Variants in SOCS7 observed in about 807,000 individuals in gnomAD.
SOCS7 encodes the protein NAP-4.
In SOCS7, 18 loss-of-function variants were observed where a neutral mutation model predicts 58.9. That is an observed-to-expected ratio of 0.31 (90% CI 0.21 to 0.45). SOCS7 has a LOEUF of 0.45. Among genes scored for constraint, SOCS7 ranks in the 20% least tolerant of loss-of-function variants. SOCS7 has a pLI of 1.00. For missense variants in SOCS7, 667 were observed against 837.3 expected (o/e 0.80, Z 2.51); for synonymous variants, 388 against 364.3 (o/e 1.06, Z -0.74).
chr17:38,352,301 G>A lies in SOCS7; in HGVS notation c.249G>A (p.Pro83=), dbSNP rs1422601471. 6.7e-7 allele frequency: 1 copy of A among 1,487,156 alleles called. No individual in the cohort carries two copies. Among genetic ancestry groups the A allele is most frequent in the Non-Finnish European group, 8.9e-7 (1 of 1,128,928 alleles). 92.1% of individuals were successfully genotyped at this position (1,487,156 alleles called of 1,614,324 possible). The change falls in exon 1 of 10, where the codon CCG becomes CCA. Residue 83 remains proline (P), a synonymous_variant. Transcript: ENST00000612932. The surrounding 1 kb of genome is among the most constrained non-coding windows in gnomAD (Gnocchi z 5.5). ...PPEEEDVEAA[P]EPGPSELLCP... is the part of the protein sequence containing the mutation. ...AGGAGGAGGACGTGGAGGCGGCCCC[G>A]GAGCCGGGACCCTCGGAACTGCTGT... is the stretch of plus-strand genomic sequence containing the variant.
intron 6 of SOCS7, among the ~76,000 whole-genome samples, chr17:38,370,753 C>G (rs1246304060): frequency 6.6e-6 from 1 of 151,656 alleles, no homozygotes; most frequent in East Asian, 1.9e-4. Context: ...CAGGTTCGAG[C>G]TATTCTCCTG....
chr17:38,377,090 C>T (rs2144358797), intron 6 of SOCS7, among the ~76,000 whole-genome samples: 1 of 152,254 alleles, frequency 6.6e-6, no homozygotes, highest in South Asian at 2.1e-4. Flanking sequence ...CCTAATGATG[C>T]ATTTCTCTGA....
chr17:38,355,100 A>T (rs1201332141), intron 1 of SOCS7, among the ~76,000 whole-genome samples: 2 of 152,142 alleles, frequency 1.3e-5, no homozygotes, highest in Admixed American at 6.6e-5. Context: ...AGAGCTAGTT[A>T]TTTGTGTATA....
chr17:38,401,500 T>C lies in SOCS7; in HGVS notation c.*2018T>C, dbSNP rs1228901807. ...ACCACCCATAATTTTAATATTATTTTTTAGTGTGTGTGTGCCTGGCTTTGC... is the reference window on the plus strand; with the variant it reads ...ACCACCCATAATTTTAATATTATTTCTTAGTGTGTGTGTGCCTGGCTTTGC... On this transcript the variant is annotated 3_prime_UTR_variant, in exon 10 of 10. Coordinates refer to ENST00000612932, the MANE Select transcript of SOCS7 (RefSeq NM_014598.4). 1 of 152,142 alleles carries C rather than the reference T, an allele frequency of 6.6e-6. No individual in the cohort carries two copies. The highest frequency in any genetic ancestry group is 1.5e-5 in the Non-Finnish European group (1 of 68,036). The allele number at this position is 152,142 out of a possible 1,614,324, so 9.4% of individuals were successfully genotyped here.
intron 7 of SOCS7, among the ~76,000 whole-genome samples, chr17:38,381,479 AC>A (rs1473716293): frequency 6.6e-6 from 1 of 152,178 alleles, no homozygotes; most frequent in African/African-American, 2.4e-5. Flanking sequence ...ACAACTGAAC[AC>A]CTACAAGGAG....
At chr17:38,361,454 G>A (rs911775853) in intron 1 of SOCS7, among the ~76,000 whole-genome samples, 4 of 152,228 alleles carry the variant, frequency 2.6e-5, no homozygotes, top group African/African-American at 7.2e-5. Flanking sequence ...CTCTTTTAAT[G>A]TACTGGGTAT....
Position 38,352,369 on chromosome 17 carries a change from C to T in SOCS7, c.317C>T (p.Pro106Leu). The T allele has an allele frequency of 2.1e-6, 3 of 1,443,692 alleles. No individual in the cohort carries two copies. Among genetic ancestry groups the T allele is most frequent in the Non-Finnish European group, 2.7e-6 (3 of 1,109,758 alleles). 89.4% of individuals were successfully genotyped at this position (1,443,692 alleles called of 1,614,324 possible). Residue 106 changes from proline (P) to leucine (L), a missense_variant, in exon 1 of 10, where the codon CCG becomes CTG. This residue lies in a region of SOCS7 where 154 missense variants were observed against 156.3 expected (regional missense o/e 0.98). Transcript: ENST00000612932. The surrounding 1 kb of genome is among the most constrained non-coding windows in gnomAD (Gnocchi z 5.5). ...RCALDPKALPPGLALERTWGP... is the reference protein window; with the variant it reads ...RCALDPKALPLGLALERTWGP... ...GCCCTGGACCCCAAGGCCCTGCCGC[C>T]GGGCTTGGCGCTCGAGCGGACCTGG...
At chr17:38,360,354 G>T (rs587594664) in intron 1 of SOCS7, among the ~76,000 whole-genome samples, 2 of 150,410 alleles carry the variant, frequency 1.3e-5, no homozygotes, top group South Asian at 4.2e-4. Context: ...ATGCCACCAT[G>T]CCCAGCTAAT....
chr17:38,352,977 G>T lies in SOCS7; in HGVS notation c.925G>T (p.Ala309Ser), dbSNP rs776597043. 6.2e-7 allele frequency: 1 copy of T among 1,606,738 alleles called. No individual in the cohort carries two copies. The highest frequency in any genetic ancestry group is 8.5e-7 in the Non-Finnish European group (1 of 1,178,180). Residue 309 changes from alanine (A) to serine (S), a missense_variant, in exon 1 of 10, where the codon GCT becomes TCT. By Grantham distance (99) the Ala-to-Ser change is moderately conservative. This residue lies in a region of SOCS7 where 208 missense variants were observed against 190.3 expected (regional missense o/e 1.09). Coordinates refer to ENST00000612932, the MANE Select transcript of SOCS7 (RefSeq NM_014598.4). This position sits in a 1 kb window ranked among gnomAD's most constrained non-coding sequence, Gnocchi z 5.5. The part of the protein sequence containing the change: ...KRPSGELAAS[A>S]ASLTDMGGSA... ...GCCTTCTGGAGAGCTGGCTGCTTCA[G>T]CTGCGAGCCTGACAGACATGGGAGG...
At position 38,389,863 on chromosome 17, in the gene SOCS7, G is replaced by GTATATATATATATATATA. The variant is rs1261982144; in HGVS notation, c.1682-5445_1682-5444insATATATATATATATATAT. On this transcript the variant is annotated intron_variant, in intron 7 of 9. Coordinates refer to ENST00000612932, the MANE Select transcript of SOCS7 (RefSeq NM_014598.4). ...TAATTTTTTTGTTTGGTGTGTATGT[G>GTATATATATATATATATA]TGTACATATATATATATATGTACAT... Among the ~76,000 whole-genome samples, 46 of 22,334 alleles carry GTATATATATATATATATA rather than the reference G, an allele frequency of 2.1e-3. 5 individuals are homozygous for GTATATATATATATATATA. Among genetic ancestry groups the GTATATATATATATATATA allele is most frequent in the Middle Eastern group, 0.037 (2 of 54 alleles). 14.7% of individuals were successfully genotyped at this position (22,334 alleles called of 152,430 possible). A position where few individuals can be genotyped will look rare whatever the true frequency, so the allele number is the denominator to read the frequency against.
At chr17:38,377,631 A>G in intron 6 of SOCS7, 83 bp from the exon 7 acceptor site, 1 of 1,360,142 alleles carries the variant, frequency 7.4e-7, no homozygotes, top group South Asian at 1.5e-5. Flanking sequence ...AAAAGTGAGA[A>G]TCATAGTTAA....
chr17:38,354,659 G>T (rs1202978758), intron 1 of SOCS7, among the ~76,000 whole-genome samples: 4 of 152,120 alleles, frequency 2.6e-5, no homozygotes, highest in African/African-American at 9.7e-5. Flanking sequence ...TTTGTGGTAG[G>T]CTCTGTATTC....
At chr17:38,392,132 G>A (rs2038180033) in intron 7 of SOCS7, among the ~76,000 whole-genome samples, 3 of 152,204 alleles carry the variant, frequency 2.0e-5, no homozygotes. Context: ...TGCTCTAAAT[G>A]TGAGAGTTCT....
chr17:38,383,572 T>C (rs2038030149), intron 7 of SOCS7, among the ~76,000 whole-genome samples: 1 of 152,174 alleles, frequency 6.6e-6, no homozygotes, highest in South Asian at 2.1e-4. Context: ...CTATATTATT[T>C]TGAGATGAAG....
chr17:38,388,524 GA>G (rs917470701), intron 7 of SOCS7, among the ~76,000 whole-genome samples: 2 of 150,432 alleles, frequency 1.3e-5, no homozygotes, highest in Non-Finnish European at 3.0e-5. Context: ...TGTGTCTCAA[GA>G]AAAAAAAATA....
Position 38,363,569 on chromosome 17 carries a change from A to G in SOCS7, c.1046-1183A>G, listed in dbSNP as rs749305435. 1.1e-4 allele frequency among the ~76,000 whole-genome samples: 16 copies of G among 152,170 alleles called. 2 individuals carry two copies. The South Asian group carries it at 3.3e-3, about 32-fold the overall frequency. Reference sequence around the variant, plus strand: ...AGGCTGGTCTTGAACTCCTGAGTGCAAGTGATTCGCCTACCTTGGCCTCCC... The same window carrying G: ...AGGCTGGTCTTGAACTCCTGAGTGCGAGTGATTCGCCTACCTTGGCCTCCC... On this transcript the variant is annotated intron_variant, in intron 2 of 9. Coordinates refer to ENST00000612932, the MANE Select transcript of SOCS7 (RefSeq NM_014598.4).
At chr17:38,376,786 C>T (rs911369401) in intron 6 of SOCS7, among the ~76,000 whole-genome samples, 1 of 151,914 alleles carries the variant, frequency 6.6e-6, no homozygotes, top group African/African-American at 2.4e-5. Flanking sequence ...TATTCAAAGA[C>T]CTGCTTATAT....
intron 7 of SOCS7, among the ~76,000 whole-genome samples, chr17:38,391,723 C>G (rs537623864): frequency 2.6e-5 from 4 of 152,226 alleles, no homozygotes; most frequent in South Asian, 2.1e-4. Flanking sequence ...TGACCTTGTG[C>G]TTGTTTTTTT....
intron 7 of SOCS7, among the ~76,000 whole-genome samples, chr17:38,382,334 A>T (rs1339026118): frequency 6.7e-6 from 1 of 148,632 alleles, no homozygotes; most frequent in East Asian, 2.0e-4. Flanking sequence ...GCTGCTTGGG[A>T]GGCTGAGGTA....
Sources: gnomAD v4.1 joint callset for allele counts (sites outside exome capture counted in the v4.1 genomes callset) on GRCh38, gnomAD v4.1.1 for gene constraint, gnomAD v4.1.1 regional missense constraint, Gnocchi (gnomAD v3.1) non-coding constraint, MANE v1.5 for transcripts, NCBI Gene and HGNC (gene_info 2026-07-23, HGNC 2026-07-21) for gene names.